PTPRM: variants seen among roughly 807,000 people sequenced by gnomAD.
PTPRM encodes protein tyrosine phosphatase receptor type M, also known as receptor-type tyrosine-protein phosphatase mu.
In PTPRM, 47 loss-of-function variants were observed where a neutral mutation model predicts 186.7. The ratio of observed to expected loss-of-function variants is 0.25; its 90% CI spans 0.20 to 0.32. PTPRM has a LOEUF of 0.32. Among genes scored for constraint, PTPRM ranks in the 10% least tolerant of loss-of-function variants. The pLI, the probability that PTPRM is intolerant of heterozygous loss-of-function variation, is 1.00. For missense variants in PTPRM, 1,494 were observed against 1,865.0 expected, an observed-to-expected ratio of 0.80 and a Z score of 3.66; for synonymous variants, 668 against 674.9, an observed-to-expected ratio of 0.99 and a Z score of 0.16.
chr18:7,899,741 G>A (rs1227126358), intron 3 of PTPRM, among the ~76,000 whole-genome samples: 1 of 152,068 alleles, frequency 6.6e-6, no homozygotes, highest in East Asian at 1.9e-4. Flanking sequence ...AGTTTACAGT[G>A]TCTTTATAGA....
At chr18:7,810,279 C>G (rs1372763065) in intron 2 of PTPRM, among the ~76,000 whole-genome samples, 1 of 152,214 alleles carries the variant, frequency 6.6e-6, no homozygotes, top group African/African-American at 2.4e-5. Flanking sequence ...AAATGCAAGA[C>G]AAACTGAATT....
chr18:7,643,562 G>A (rs1400744179), intron 1 of PTPRM, among the ~76,000 whole-genome samples: 1 of 151,972 alleles, frequency 6.6e-6, no homozygotes, highest in African/African-American at 2.4e-5. Context: ...GGATGGTCTC[G>A]ATCTCCTGAC....
At chr18:8,290,396 T>G (rs2095029494) in intron 19 of PTPRM, among the ~76,000 whole-genome samples, 1 of 152,144 alleles carries the variant, frequency 6.6e-6, no homozygotes, top group Admixed American at 6.5e-5. Context: ...TTGAATAGGA[T>G]TTTTTTCTCC....
intron 7 of PTPRM, among the ~76,000 whole-genome samples, chr18:8,042,967 T>C (rs768177337): frequency 6.6e-6 from 1 of 152,182 alleles, no homozygotes; most frequent in Non-Finnish European, 1.5e-5. Context: ...TCACTCCGTC[T>C]CAACCGCCTA....
At chr18:7,903,613 AT>A (rs1475293037) in intron 3 of PTPRM, among the ~76,000 whole-genome samples, 6 of 152,254 alleles carry the variant, frequency 3.9e-5, no homozygotes, top group Admixed American at 3.9e-4. Flanking sequence ...ATCCGTGCAT[AT>A]CTTCCTTTCT....
chr18:7,874,281 T>G (rs1804981080), intron 2 of PTPRM, among the ~76,000 whole-genome samples: 2 of 152,108 alleles, frequency 1.3e-5, no homozygotes, highest in African/African-American at 2.4e-5. Context: ...TTTTGACATT[T>G]TATAAAGGCA....
At chr18:8,279,758 ACT>A (rs982282944) in intron 19 of PTPRM, among the ~76,000 whole-genome samples, 1 of 152,154 alleles carries the variant, frequency 6.6e-6, no homozygotes. Flanking sequence ...TCCAGCACTG[ACT>A]CTCAGCCTGC....
chr18:8,043,999 G>A (rs1274452640), intron 7 of PTPRM, among the ~76,000 whole-genome samples: 1 of 152,182 alleles, frequency 6.6e-6, no homozygotes, highest in Non-Finnish European at 1.5e-5. Flanking sequence ...TGGGAGTCAG[G>A]GAGCCCTATC....
At chr18:8,134,656 A>G (rs750812073) in intron 13 of PTPRM, among the ~76,000 whole-genome samples, 20 of 152,272 alleles carry the variant, frequency 1.3e-4, no homozygotes, top group Admixed American at 2.6e-4. Flanking sequence ...TTGGCCAGGA[A>G]GTCCTTTCTC....
At chr18:8,123,009 T>A (rs1370006000) in intron 13 of PTPRM, among the ~76,000 whole-genome samples, 3 of 152,220 alleles carry the variant, frequency 2.0e-5, no homozygotes, top group Non-Finnish European at 4.4e-5. Context: ...CTGTGCTTCC[T>A]TATACCAAGA....
chr18:8,242,197 G>C (rs1430539346), intron 14 of PTPRM, among the ~76,000 whole-genome samples: 1 of 152,084 alleles, frequency 6.6e-6, no homozygotes. Flanking sequence ...AAAGAATATT[G>C]AGGCAATTAC....
intron 23 of PTPRM, among the ~76,000 whole-genome samples, chr18:8,345,911 A>G (rs2095502208): frequency 6.6e-6 from 1 of 152,166 alleles, no homozygotes; most frequent in African/African-American, 2.4e-5. Context: ...AGGATAGGAA[A>G]ATGTATGATA....
At chr18:8,076,410 A>T in intron 8 of PTPRM, 45 bp from the exon 9 acceptor site, 1 of 1,178,310 alleles carries the variant, frequency 8.5e-7, no homozygotes, top group East Asian at 2.4e-5. Flanking sequence ...TCTACTTTTT[A>T]ATTGTTTATT....
intron 14 of PTPRM, among the ~76,000 whole-genome samples, chr18:8,198,314 AC>A (rs2093807516): frequency 6.6e-6 from 1 of 151,874 alleles, no homozygotes; most frequent in Non-Finnish European, 1.5e-5. Flanking sequence ...TACCTGGCTA[AC>A]TTTTGTGTTT....
chr18:8,139,947 A>G (rs980163222), intron 13 of PTPRM, among the ~76,000 whole-genome samples: 2 of 152,344 alleles, frequency 1.3e-5, no homozygotes, highest in South Asian at 4.1e-4. Flanking sequence ...GTATTCCTTA[A>G]ACAGTGCTTG....
At chr18:8,380,946 G>A (rs946751474) in intron 29 of PTPRM, among the ~76,000 whole-genome samples, 1 of 152,084 alleles carries the variant, frequency 6.6e-6, no homozygotes, top group African/African-American at 2.4e-5. Context: ...GACAGTGTCG[G>A]GGTGACAGCA....
intron 22 of PTPRM, among the ~76,000 whole-genome samples, chr18:8,329,022 C>T (rs1245769345): frequency 6.6e-6 from 1 of 152,088 alleles, no homozygotes; most frequent in South Asian, 2.1e-4. Context: ...GTTATAGATG[C>T]CATAAGGAAA....
At chr18:7,582,390 A>G (rs1402469956) in intron 1 of PTPRM, among the ~76,000 whole-genome samples, 6 of 152,162 alleles carry the variant, frequency 3.9e-5, no homozygotes, top group Admixed American at 3.3e-4. Context: ...TCTCATTCCA[A>G]AGAGAGAGCA....
chr18:7,994,648 T>G (rs1481599848), intron 7 of PTPRM, among the ~76,000 whole-genome samples: 2 of 152,070 alleles, frequency 1.3e-5, no homozygotes, highest in African/African-American at 4.8e-5. Flanking sequence ...CACAATGGAA[T>G]AAACTACAAA....
Sources: gnomAD v4.1 joint callset for allele counts (sites outside exome capture counted in the v4.1 genomes callset) on GRCh38, gnomAD v4.1.1 for gene constraint, MANE v1.5 for transcripts, NCBI Gene and HGNC (gene_info 2026-07-23, HGNC 2026-07-21) for gene names.